The following TBC1D5 variants were observed in gnomAD, a reference collection of about 807,000 sequenced individuals.
The protein encoded by TBC1D5 is TBC1 domain family member 5, also known as TBC1 domain family, member 5.
In TBC1D5, 75 loss-of-function variants were observed where a neutral mutation model predicts 100.3. The observed-to-expected ratio is 0.75, with a 90% CI of 0.62 to 0.91. The LOEUF (loss-of-function observed/expected upper bound fraction) is 0.91, where lower values mean the gene tolerates loss of function less well. Ranked by LOEUF, TBC1D5 falls within the 40% of genes least tolerant of loss-of-function variation. The pLI, the probability that TBC1D5 is intolerant of heterozygous loss-of-function variation, is 0.00. For synonymous variants in TBC1D5, 323 were observed against 325.6 expected, an observed-to-expected ratio of 0.99 and a Z score of 0.09; for missense variants, 910 against 942.4, an observed-to-expected ratio of 0.97 and a Z score of 0.45.
At chr3:17,197,410 G>A (rs1021261773) in intron 18 of TBC1D5, among the ~76,000 whole-genome samples, 2 of 151,832 alleles carry the variant, frequency 1.3e-5, no homozygotes, top group East Asian at 3.9e-4. Context: ...ACAAAGTCTC[G>A]CTGTTACCCA....
intron 1 of TBC1D5, among the ~76,000 whole-genome samples, chr3:17,672,354 G>A (rs1329717614): frequency 6.6e-6 from 1 of 151,996 alleles, no homozygotes; most frequent in Admixed American, 6.6e-5. Flanking sequence ...ATACTCAAGA[G>A]TTCACTGTTA....
intron 16 of TBC1D5, among the ~76,000 whole-genome samples, chr3:17,239,390 A>G (rs749102643): frequency 4.6e-5 from 7 of 152,110 alleles, no homozygotes; most frequent in Non-Finnish European, 1.0e-4. Context: ...TTCCATTAGC[A>G]TACAACCATG....
chr3:17,551,318 G>C (rs1235278020), intron 2 of TBC1D5, among the ~76,000 whole-genome samples: 1 of 152,062 alleles, frequency 6.6e-6, no homozygotes, highest in Non-Finnish European at 1.5e-5. Flanking sequence ...GAGACCACCT[G>C]AATAGAAAAT....
intron 13 of TBC1D5, among the ~76,000 whole-genome samples, chr3:17,356,542 T>C (rs2091226471): frequency 6.6e-6 from 1 of 152,116 alleles, no homozygotes; most frequent in Non-Finnish European, 1.5e-5. Flanking sequence ...TAAAGAACCA[T>C]TAAACTGGAA....
intron 13 of TBC1D5, among the ~76,000 whole-genome samples, chr3:17,322,098 G>T (rs1001385052): frequency 6.6e-6 from 1 of 152,144 alleles, no homozygotes; most frequent in African/African-American, 2.4e-5. Flanking sequence ...GGGGGAGGGG[G>T]AGGTACAATG....
At chr3:17,528,501 A>G (rs2096171676) in intron 2 of TBC1D5, among the ~76,000 whole-genome samples, 1 of 152,188 alleles carries the variant, frequency 6.6e-6, no homozygotes, top group African/African-American at 2.4e-5. Context: ...CAGAATTGTG[A>G]AAAATAAATC....
chr3:17,673,970 T>C (rs1460453053), intron 1 of TBC1D5, among the ~76,000 whole-genome samples: 1 of 152,218 alleles, frequency 6.6e-6, no homozygotes, highest in African/African-American at 2.4e-5. Context: ...TCATTTGCTA[T>C]GAGAACAAAC....
chr3:17,488,291 G>A (rs1041350132), intron 3 of TBC1D5, among the ~76,000 whole-genome samples: 3 of 152,164 alleles, frequency 2.0e-5, no homozygotes, highest in Non-Finnish European at 4.4e-5. Flanking sequence ...GTTCCTCCAT[G>A]TCTTTTTGTG....
At chr3:17,631,339 G>A (rs2063494484) in intron 1 of TBC1D5, among the ~76,000 whole-genome samples, 1 of 152,098 alleles carries the variant, frequency 6.6e-6, no homozygotes, top group Non-Finnish European at 1.5e-5. Flanking sequence ...TTAGAAGCTA[G>A]CAGACATTGA....
intron 1 of TBC1D5, among the ~76,000 whole-genome samples, chr3:17,730,387 G>A (rs1359312743): frequency 2.0e-5 from 3 of 152,256 alleles, no homozygotes; most frequent in East Asian, 1.9e-4. Flanking sequence ...CCTTTAAGGG[G>A]ACTAGGTTTT....
At chr3:17,336,721 AG>A (rs1196500467) in intron 13 of TBC1D5, among the ~76,000 whole-genome samples, 1 of 152,004 alleles carries the variant, frequency 6.6e-6, no homozygotes, top group African/African-American at 2.4e-5. Context: ...AAAAAAAAAA[AG>A]ATAAAAATCC....
intron 1 of TBC1D5, among the ~76,000 whole-genome samples, chr3:17,625,250 C>T (rs1011168435): frequency 6.6e-6 from 1 of 151,732 alleles, no homozygotes; most frequent in African/African-American, 2.4e-5. Context: ...AAAACAAAGG[C>T]CATATTCAGC....
chr3:17,730,282 G>A (rs560961542), intron 1 of TBC1D5, among the ~76,000 whole-genome samples: 2 of 152,290 alleles, frequency 1.3e-5, no homozygotes, highest in East Asian at 3.9e-4. Context: ...ACCAATAGAT[G>A]GAGTTTAATT....
chr3:17,583,384 T>C (rs2096712137), intron 2 of TBC1D5, among the ~76,000 whole-genome samples: 1 of 151,344 alleles, frequency 6.6e-6, no homozygotes, highest in Admixed American at 6.6e-5. Flanking sequence ...GATTTCCTGA[T>C]AATCAAAAAA....
intron 2 of TBC1D5, among the ~76,000 whole-genome samples, chr3:17,535,440 G>A (rs1359131158): frequency 6.6e-6 from 1 of 152,098 alleles, no homozygotes; most frequent in African/African-American, 2.4e-5. Flanking sequence ...AAAATTCAAT[G>A]TTCCCTTGCA....
chr3:17,497,327 C>A (rs2095724768), intron 3 of TBC1D5, among the ~76,000 whole-genome samples: 1 of 152,180 alleles, frequency 6.6e-6, no homozygotes, highest in Non-Finnish European at 1.5e-5. Flanking sequence ...ACTTACTTCT[C>A]AATGTTTGTC....
chr3:17,356,441 A>G (rs2091219399), intron 13 of TBC1D5, among the ~76,000 whole-genome samples: 1 of 152,176 alleles, frequency 6.6e-6, no homozygotes, highest in South Asian at 2.1e-4. Context: ...CTAAATACCC[A>G]AGTGATACTA....
chr3:17,234,946 C>G (rs1043052251), intron 17 of TBC1D5, among the ~76,000 whole-genome samples: 45 of 152,110 alleles, frequency 3.0e-4, no homozygotes, highest in African/African-American at 1.0e-3. Flanking sequence ...ATACCACAAA[C>G]AAGTGATAAA....
chr3:17,725,653 C>G (rs1247299274), intron 1 of TBC1D5, among the ~76,000 whole-genome samples: 1 of 152,164 alleles, frequency 6.6e-6, no homozygotes, highest in Non-Finnish European at 1.5e-5. Flanking sequence ...GAAAAGCAGT[C>G]TTTAATACTC....
Sources: allele counts gnomAD v4.1 joint callset (sites outside exome capture counted in the v4.1 genomes callset), GRCh38; gene constraint gnomAD v4.1.1; transcripts MANE v1.5; gene names NCBI Gene and HGNC (gene_info 2026-07-23, HGNC 2026-07-21).